P2RY8: variants seen among roughly 807,000 people sequenced by gnomAD.
The protein encoded by P2RY8 is P2Y receptor family member 8.
Under a neutral mutation model 10.0 loss-of-function variants are expected in P2RY8, and 6 were observed. The ratio of observed to expected loss-of-function variants is 0.60; its 90% CI spans 0.33 to 1.19. The LOEUF is 1.19. P2RY8 is among the 50% of genes most tolerant of loss of function. P2RY8 has a pLI of 0.04. For synonymous variants in P2RY8, 276 were observed against 252.5 expected (o/e 1.09, Z -0.88); for missense variants, 456 against 542.0 (o/e 0.84, Z 1.58).
intron 1 of P2RY8, among the ~76,000 whole-genome samples, chrX:1,516,892 A>G (rs2092355206): frequency 1.3e-5 from 2 of 151,350 alleles, no homozygotes; most frequent in Admixed American, 1.3e-4. Flanking sequence ...TCAGACTTCC[A>G]GCCTCCAGGG....
intron 1 of P2RY8, among the ~76,000 whole-genome samples, chrX:1,467,687 G>T (rs1298580945): frequency 6.6e-6 from 1 of 152,194 alleles, no homozygotes; most frequent in Non-Finnish European, 1.5e-5. Context: ...TTGTTTGTTT[G>T]TTTTATAGAT....
At chrX:1,510,854 G>A (rs750922615) in intron 1 of P2RY8, among the ~76,000 whole-genome samples, 1 of 152,024 alleles carries the variant, frequency 6.6e-6, no homozygotes, top group South Asian at 2.1e-4. Flanking sequence ...ACTCCAGCCT[G>A]GGCAACAGAG....
intron 1 of P2RY8, among the ~76,000 whole-genome samples, chrX:1,533,567 T>G (rs1302252725): frequency 2.1e-3 from 8 of 3,878 alleles, no homozygotes; most frequent in African/African-American, 3.8e-3. Context: ...TATATATTTA[T>G]TATTTAAATA....
At chrX:1,498,385 G>A (rs1173717030) in intron 1 of P2RY8, among the ~76,000 whole-genome samples, 1 of 121,172 alleles carries the variant, frequency 8.3e-6, no homozygotes, top group South Asian at 2.7e-4. Context: ...CAGCCTGGGC[G>A]ACAGAGCGAG....
At chrX:1,513,689 G>T (rs1345272550) in intron 1 of P2RY8, among the ~76,000 whole-genome samples, 4 of 151,532 alleles carry the variant, frequency 2.6e-5, no homozygotes, top group African/African-American at 9.7e-5. Context: ...TTAGGATATG[G>T]ACAAATGTTT....
intron 1 of P2RY8, among the ~76,000 whole-genome samples, chrX:1,476,428 A>G (rs28436297): frequency 6.8e-6 from 1 of 147,954 alleles, no homozygotes; most frequent in Non-Finnish European, 1.5e-5. Context: ...TACAAAAAAG[A>G]AAAAAAAAAT....
At chrX:1,508,119 A>G (rs1313108511) in intron 1 of P2RY8, among the ~76,000 whole-genome samples, 1 of 152,176 alleles carries the variant, frequency 6.6e-6, no homozygotes, top group Non-Finnish European at 1.5e-5. Context: ...CAGGTCACAT[A>G]AGATTCCTCA....
intron 1 of P2RY8, among the ~76,000 whole-genome samples, chrX:1,481,818 G>A (rs1473617992): frequency 6.6e-6 from 1 of 152,202 alleles, no homozygotes; most frequent in Non-Finnish European, 1.5e-5. Context: ...TCAGGGGATA[G>A]AGGACCTGCT....
At position 1,530,269 on chromosome X, in the gene P2RY8, TTATCTATC is replaced by T. The variant is rs770613678; in HGVS notation, c.-25+6644_-25+6651del. 9.1e-3 allele frequency among the ~76,000 whole-genome samples: 1,344 copies of T among 148,390 alleles called. 20 individuals carry two copies. Among genetic ancestry groups the T allele is most frequent in the African/African-American group, 0.028 (1,122 of 40,300 alleles). ...CTATCTCTATTACCTATCATCACCATTATCTATCTATCTATCTATCTATCTATCTATCT... is the reference window on the plus strand; with the variant it reads ...CTATCTCTATTACCTATCATCACCATTATCTATCTATCTATCTATCTATCT... On this transcript the variant is annotated intron_variant, in intron 1 of 1. Transcript: ENST00000381297.
At chrX:1,502,648 AG>A (rs1486847389) in intron 1 of P2RY8, among the ~76,000 whole-genome samples, 1 of 151,984 alleles carries the variant, frequency 6.6e-6, no homozygotes, top group African/African-American at 2.4e-5. Flanking sequence ...CTATTTGGGG[AG>A]GGGGTTTCAT....
rs191409004 is a variant in P2RY8 at position 1,520,625 on chromosome X, A to G, written c.-25+16296T>C. ...TCTCTGGTCCCCAATCCTCTCCCTG[A>G]TCCCCAATAATCTCTCTGATCCCAA... is the stretch of plus-strand genomic sequence containing the variant. On this transcript the variant is annotated intron_variant, in intron 1 of 1. Coordinates refer to ENST00000381297, the MANE Select transcript of P2RY8 (RefSeq NM_178129.5). Among the ~76,000 whole-genome samples, 393 of 150,104 alleles carry G rather than the reference A, an allele frequency of 2.6e-3. 2 individuals carry two copies. The highest frequency in any genetic ancestry group is 9.3e-3 in the African/African-American group (378 of 40,676).
intron 1 of P2RY8, among the ~76,000 whole-genome samples, chrX:1,466,898 CCCTCCCTCCCGT>C (rs2091690941): frequency 6.9e-6 from 1 of 144,336 alleles, no homozygotes; most frequent in African/African-American, 2.5e-5. Flanking sequence ...TTCCCGCCCT[CCCTCCCTCCCGT>C]CCTTCCTTGG....
Position 1,463,616 on chromosome X carries a change from T to C in P2RY8, c.*1863A>G. 1 of 232,952 alleles carries C rather than the reference T, an allele frequency of 4.3e-6. No homozygotes were observed. The highest frequency in any genetic ancestry group is 8.5e-6 in the Non-Finnish European group (1 of 117,852). 14.4% of individuals were successfully genotyped at this position (232,952 alleles called of 1,614,324 possible). On this transcript the variant is annotated 3_prime_UTR_variant, in exon 2 of 2. Transcript: ENST00000381297. ...GTTCCTTATTACCGAATAAAATCTA[T>C]AATAATTTCAGGTTCTGGGCTTTAA...
chrX:1,487,842 G>A (rs2149388694), intron 1 of P2RY8, among the ~76,000 whole-genome samples: 1 of 152,304 alleles, frequency 6.6e-6, no homozygotes, highest in South Asian at 2.1e-4. Flanking sequence ...CAGGCGCGGT[G>A]GCTCACGCCT....
intron 1 of P2RY8, among the ~76,000 whole-genome samples, chrX:1,533,396 T>C (rs1336113924): frequency 1.4e-5 from 2 of 146,522 alleles, no homozygotes; most frequent in Non-Finnish European, 3.0e-5. Context: ...CATATATTTA[T>C]GTATTTTTTA....
chrX:1,522,544 C>T (rs1218967936), intron 1 of P2RY8, among the ~76,000 whole-genome samples: 2 of 152,214 alleles, frequency 1.3e-5, no homozygotes, highest in Admixed American at 6.5e-5. Flanking sequence ...CTAGTCCCAG[C>T]ACCTTGGGAG....
intron 1 of P2RY8, among the ~76,000 whole-genome samples, chrX:1,523,290 G>C (rs1423466699): frequency 6.6e-6 from 1 of 151,874 alleles, no homozygotes; most frequent in Non-Finnish European, 1.5e-5. Context: ...GATGTCAGCA[G>C]AGCTTTCTCA....
At chrX:1,507,462 G>A (rs1213172667) in intron 1 of P2RY8, among the ~76,000 whole-genome samples, 1 of 152,166 alleles carries the variant, frequency 6.6e-6, no homozygotes, top group Non-Finnish European at 1.5e-5. Flanking sequence ...CTTCCTAGCT[G>A]AAAATCATCA....
At chrX:1,504,256 C>T (rs762493883) in intron 1 of P2RY8, among the ~76,000 whole-genome samples, 15 of 150,884 alleles carry the variant, frequency 9.9e-5, no homozygotes, top group Admixed American at 3.3e-4. Context: ...GCGGAGGTTG[C>T]GGTGAGCCGA....
Sources: allele counts gnomAD v4.1 joint callset (sites outside exome capture counted in the v4.1 genomes callset), GRCh38; gene constraint gnomAD v4.1.1; transcripts MANE v1.5; gene names NCBI Gene and HGNC (gene_info 2026-07-23, HGNC 2026-07-21).